The following NLRC5 variants were observed in gnomAD, a reference collection of about 807,000 sequenced individuals.
NLRC5 encodes the protein protein NLRC5.
A neutral mutation model predicts 206.9 loss-of-function variants in NLRC5; 114 were observed. The ratio of observed to expected loss-of-function variants is 0.55; its 90% CI spans 0.47 to 0.64. The LOEUF (loss-of-function observed/expected upper bound fraction) is 0.64. Ranked by LOEUF, NLRC5 falls within the 30% of genes least tolerant of loss-of-function variation. NLRC5 has a pLI of 0.00. For missense variants in NLRC5, 2,008 were observed against 2,305.5 expected (o/e 0.87, Z 2.64); for synonymous variants, 952 against 962.8 (o/e 0.99, Z 0.21).
At position 57,079,038 on chromosome 16, in the gene NLRC5, C is replaced by T. The variant is rs1164643976; in HGVS notation, c.5082-12C>T. 6.2e-7 allele frequency: 1 copy of T among 1,613,252 alleles called. No homozygotes were observed. The highest frequency in any genetic ancestry group is 1.1e-5 in the South Asian group (1 of 91,022). ...TCCCTCAGGCTCCTCTCACCCTCTCCTCTTTCCCCAGCCTACCATTCAGCC... is the reference window on the plus strand; with the variant it reads ...TCCCTCAGGCTCCTCTCACCCTCTCTTCTTTCCCCAGCCTACCATTCAGCC... On this transcript the variant is annotated splice_polypyrimidine_tract_variant and intron_variant, in intron 43 of 48. Transcript: ENST00000688547.
chr16:57,043,737 G>A (rs2063575019), intron 20 of NLRC5, 133 bp downstream of exon 20: 1 of 738,420 alleles, frequency 1.4e-6, no homozygotes. Flanking sequence ...TACCAGATCT[G>A]CAGAGCATGT....
chr16:56,991,150 A>T (rs1297846059), intron 1 of NLRC5: 1 of 152,156 alleles, frequency 6.6e-6, no homozygotes, highest in Non-Finnish European at 1.5e-5. Flanking sequence ...TCAACCTTAA[A>T]ATGCTGCACA....
chr16:57,037,073 G>A lies in NLRC5; in HGVS notation c.2712-122G>A, dbSNP rs1567577452. ...AGAATCCTTTGAGATCCCCTGGCAAGGGACCTAGGACATCCAGGAGTGACA... is the reference window on the plus strand; with the variant it reads ...AGAATCCTTTGAGATCCCCTGGCAAAGGACCTAGGACATCCAGGAGTGACA... On this transcript the variant is annotated intron_variant, in intron 14 of 48. Coordinates refer to ENST00000688547, the MANE Select transcript of NLRC5 (RefSeq NM_001384950.1). The A allele has an allele frequency of 8.7e-6, 7 of 806,570 alleles. No homozygotes were observed. In the East Asian group the frequency reaches 1.5e-4, roughly 17 times the overall value. 50.0% of individuals were successfully genotyped at this position (806,570 alleles called of 1,614,324 possible). A position where few individuals can be genotyped will look rare whatever the true frequency, so the allele number is the denominator to read the frequency against.
intron 1 of NLRC5, among the ~76,000 whole-genome samples, chr16:57,002,420 T>A (rs776520677): frequency 4.0e-5 from 6 of 151,816 alleles, no homozygotes; most frequent in Non-Finnish European, 8.8e-5. Context: ...AGTGCTGGAA[T>A]TACAGGCGTG....
At chr16:57,053,767 G>A (rs1388789337) in intron 24 of NLRC5, among the ~76,000 whole-genome samples, 2 of 152,158 alleles carry the variant, frequency 1.3e-5, no homozygotes, top group African/African-American at 2.4e-5. Flanking sequence ...GACCTCAAGT[G>A]ATCCGCCCGC....
Position 57,020,783 on chromosome 16 carries a change from A to T in NLRC5, c.71A>T (p.Asp24Val). ...TGTCTTGTGAGGCTGCTCACCAAAGACCCAGAATGGCTGAACGCCAAGATG... is the reference window on the plus strand; with the variant it reads ...TGTCTTGTGAGGCTGCTCACCAAAGTCCCAGAATGGCTGAACGCCAAGATG... ...WSCLVRLLTKDPEWLNAKMKF... is the reference protein window; with the variant it reads ...WSCLVRLLTKVPEWLNAKMKF... The change falls in exon 3 of 49, where the codon GAC (aspartate) becomes GTC (valine). Residue 24 changes from aspartate to valine, a missense_variant. Physicochemically the swap from Asp to Val is radical, Grantham distance 152 (BLOSUM62 -3). Transcript: ENST00000688547. 1 of 1,612,756 alleles carries T rather than the reference A, an allele frequency of 6.2e-7. No homozygotes were observed. The highest frequency in any genetic ancestry group is 8.5e-7 in the Non-Finnish European group (1 of 1,179,754).
intron 1 of NLRC5, among the ~76,000 whole-genome samples, chr16:57,000,521 A>AT (rs1240645447): frequency 1.3e-5 from 2 of 151,956 alleles, no homozygotes; most frequent in Non-Finnish European, 2.9e-5. Flanking sequence ...GCTCAGGAAC[A>AT]TCCCCAGGGC....
Position 57,002,895 on chromosome 16 carries a change from G to A in NLRC5, c.-128+13278G>A, listed in dbSNP as rs137916249. On this transcript the variant is annotated intron_variant, in intron 1 of 48. Transcript: ENST00000688547. The stretch of plus-strand genomic sequence containing the variant: ...CTTGACCTCATGATCTGCCCACCTC[G>A]GCCTCCCAAAGTGCTGGGATTATAG... 6.6e-4 allele frequency among the ~76,000 whole-genome samples: 100 copies of A among 152,026 alleles called. 1 individual carries two copies. Among genetic ancestry groups the A allele is most frequent in the African/African-American group, 2.4e-3 (98 of 41,478 alleles).
intron 19 of NLRC5, 93 bp downstream of exon 19, chr16:57,042,158 T>C: frequency 1.2e-6 from 1 of 808,178 alleles, no homozygotes; most frequent in Non-Finnish European, 1.8e-6. Context: ...ATTGTAAAGA[T>C]TAAATCGGAA....
rs1196870449 is a variant in NLRC5, at chr16:57,020,744, A to G, written c.32A>G (p.Lys11Arg). 4 of 1,611,674 alleles carry G rather than the reference A, an allele frequency of 2.5e-6. No homozygotes were observed. The highest frequency in any genetic ancestry group is 2.2e-5 in the South Asian group (2 of 90,852). The change falls in exon 3 of 49, where the codon AAG becomes AGG. Residue 11 changes from lysine to arginine, a missense_variant. Lys to Arg is a conservative substitution (Grantham distance 26). Coordinates refer to ENST00000688547, the MANE Select transcript of NLRC5 (RefSeq NM_001384950.1). MDPVGLQLGN[K>R]NLWSCLVRLL... ...CCCGTTGGCCTCCAGCTCGGCAACA[A>G]GAACCTGTGGAGCTGTCTTGTGAGG...
Position 57,036,154 on chromosome 16 carries a change from A to G in NLRC5, c.2682A>G (p.Ala894=). The G allele has an allele frequency of 6.2e-7, 1 of 1,613,598 alleles. No individual in the cohort carries two copies. Among genetic ancestry groups the G allele is most frequent in the Non-Finnish European group, 8.5e-7 (1 of 1,180,002 alleles). ...GCTGTCGGCTGATGGCAGAGGCTGC[A>G]TCCCAGCTGCACATCGCCAGGAAGC... is the stretch of plus-strand genomic sequence containing the variant. ...DEGCRLMAEA[A]SQLHIARKLD... Residue 894 remains alanine (A), a synonymous_variant, in exon 14 of 49, where the codon GCA becomes GCG. Transcript: ENST00000688547.
intron 13 of NLRC5, 173 bp downstream of exon 13, chr16:57,034,424 G>T: frequency 3.3e-6 from 2 of 614,068 alleles, no homozygotes; most frequent in Non-Finnish European, 5.8e-6. Context: ...TCCCGGGTCA[G>T]GTGCTGTGCT....
At chr16:57,037,041 A>T (rs1025721424) in intron 14 of NLRC5, among the ~76,000 whole-genome samples, 154 bp from the exon 15 acceptor site, 1 of 152,104 alleles carries the variant, frequency 6.6e-6, no homozygotes, top group East Asian at 1.9e-4. Context: ...GCTTACTCAC[A>T]CGCACCAGAA....
chr16:57,062,314 A>T, intron 32 of NLRC5: 1 of 368,896 alleles, frequency 2.7e-6, no homozygotes, highest in South Asian at 2.1e-5. Flanking sequence ...GTCGGGTACT[A>T]CCTAGTCTAA....
chr16:57,020,889 C>G lies in NLRC5; in HGVS notation c.177C>G (p.Asn59Lys). Reference sequence around the variant, plus strand: ...AACAGAGAGTCATCCTGCAACTCAACAAGCTGCATGTCCAGGGTTCGGACA... The same window carrying G: ...AACAGAGAGTCATCCTGCAACTCAAGAAGCTGCATGTCCAGGGTTCGGACA... ...DPEQRVILQL[N>K]KLHVQGSDTW... Residue 59 changes from asparagine to lysine, a missense_variant, in exon 3 of 49, where the codon AAC (asparagine) becomes AAG (lysine). Transcript: ENST00000688547. The G allele has an allele frequency of 6.2e-7, 1 of 1,613,942 alleles. No individual in the cohort carries two copies. Among genetic ancestry groups the G allele is most frequent in the Non-Finnish European group, 8.5e-7 (1 of 1,179,992 alleles).
chr16:57,041,847 C>G (rs1272582300), intron 18 of NLRC5, 135 bp from the exon 19 acceptor site: 1 of 667,854 alleles, frequency 1.5e-6, no homozygotes, highest in Admixed American at 3.1e-5. Flanking sequence ...CGTGCCAGAT[C>G]TGCTGAGATC....
At position 57,047,079 on chromosome 16, in the gene NLRC5, C is replaced by A. The variant is rs575893753; in HGVS notation, c.3338+438C>A. 7.0e-4 allele frequency among the ~76,000 whole-genome samples: 106 copies of A among 152,318 alleles called. 2 individuals are homozygous for A. The South Asian group carries it at 0.022, about 31-fold the overall frequency. ...CTCTAGGCCTCCAGGGAAGTGGAGG[C>A]AAGTGAGGCCCTGGGAAGGACATTT... On this transcript the variant is annotated intron_variant, in intron 22 of 48. Transcript: ENST00000688547.
At chr16:57,014,737 T>A (rs2059851471) in intron 1 of NLRC5, among the ~76,000 whole-genome samples, 1 of 152,096 alleles carries the variant, frequency 6.6e-6, no homozygotes. Flanking sequence ...CACTGTAGAC[T>A]GGGTGGCTTA....
intron 1 of NLRC5, among the ~76,000 whole-genome samples, chr16:56,993,140 C>CACACACACACATATACACATATATAG (rs2057153790): frequency 2.3e-5 from 2 of 88,692 alleles, no homozygotes; most frequent in Non-Finnish European, 5.5e-5. Context: ...TATACACACA[C>CACACACACACATATACACATATATAG]ACACACACAC....
Sources: allele counts gnomAD v4.1 joint callset (sites outside exome capture counted in the v4.1 genomes callset), GRCh38; gene constraint gnomAD v4.1.1; transcripts MANE v1.5; gene names NCBI Gene and HGNC (gene_info 2026-07-23, HGNC 2026-07-21).